Variants in TBCA observed in about 807,000 individuals in gnomAD.
TBCA encodes tubulin-specific chaperone A.
Under a neutral mutation model 15.8 loss-of-function variants are expected in TBCA, and 6 were observed. The ratio of observed to expected loss-of-function variants is 0.38; its 90% CI spans 0.21 to 0.75. The LOEUF (loss-of-function observed/expected upper bound fraction) is 0.75, where lower values mean the gene tolerates loss of function less well. TBCA is among the 30% of genes least tolerant of loss of function. TBCA has a pLI of 0.46. For synonymous variants in TBCA, 32 were observed against 42.3 expected (o/e 0.76, Z 0.94); for missense variants, 90 against 131.2 (o/e 0.69, Z 1.53).
chr5:77,703,756 C>T (rs933142203), intron 2 of TBCA, among the ~76,000 whole-genome samples: 2 of 151,928 alleles, frequency 1.3e-5, no homozygotes, highest in Admixed American at 6.6e-5. Flanking sequence ...TTTTTGTATC[C>T]TAATAAAATT....
At chr5:77,700,315 G>C (rs1369384628) in intron 2 of TBCA, among the ~76,000 whole-genome samples, 1 of 151,940 alleles carries the variant, frequency 6.6e-6, no homozygotes, top group Non-Finnish European at 1.5e-5. Context: ...CTGACAAAGG[G>C]CATGTGTCTA....
intron 1 of TBCA, among the ~76,000 whole-genome samples, chr5:77,739,079 G>C (rs1746974455): frequency 1.3e-5 from 2 of 152,172 alleles, no homozygotes; most frequent in Non-Finnish European, 2.9e-5. Flanking sequence ...TCATTAAACT[G>C]TTTCAGTTTT....
chr5:77,735,314 T>C (rs1746874890), intron 1 of TBCA, among the ~76,000 whole-genome samples: 1 of 152,206 alleles, frequency 6.6e-6, no homozygotes, highest in African/African-American at 2.4e-5. Context: ...AAATCTACTC[T>C]ACTTTCCCTC....
At chr5:77,736,355 A>AAAAAAAG (rs1746906180) in intron 1 of TBCA, among the ~76,000 whole-genome samples, 11 of 147,226 alleles carry the variant, frequency 7.5e-5, no homozygotes, top group African/African-American at 2.5e-4. Context: ...AAAAAAAAAA[A>AAAAAAAG]TCTAGCTGGA....
intron 1 of TBCA, among the ~76,000 whole-genome samples, chr5:77,770,096 T>C (rs905633170): frequency 1.3e-4 from 20 of 152,252 alleles, no homozygotes; most frequent in African/African-American, 4.8e-4. Context: ...GAGTGTTTTT[T>C]ACTTGCAGAA....
At chr5:77,721,725 T>G (rs754103271) in intron 1 of TBCA, among the ~76,000 whole-genome samples, 32 of 152,128 alleles carry the variant, frequency 2.1e-4, no homozygotes, top group Non-Finnish European at 4.0e-4. Flanking sequence ...GACACAATTT[T>G]AACAGCTAGG....
At chr5:77,770,126 C>A (rs1215911752) in intron 1 of TBCA, among the ~76,000 whole-genome samples, 1 of 152,080 alleles carries the variant, frequency 6.6e-6, no homozygotes, top group Non-Finnish European at 1.5e-5. Context: ...GAATTTATCA[C>A]AAGTCTAATA....
chr5:77,739,040 G>C (rs1314680572), intron 1 of TBCA, among the ~76,000 whole-genome samples: 1 of 152,190 alleles, frequency 6.6e-6, no homozygotes, highest in East Asian at 1.9e-4. Flanking sequence ...ATATCACAGT[G>C]CATCATAAGT....
intron 1 of TBCA, 46 bp from the exon 2 acceptor site, chr5:77,708,393 G>C: frequency 8.5e-7 from 1 of 1,171,512 alleles, no homozygotes; most frequent in Non-Finnish European, 1.3e-6. Flanking sequence ...TTTCTCTCCA[G>C]ACCATAAGAA....
chr5:77,733,454 T>G (rs1746821154), intron 1 of TBCA, among the ~76,000 whole-genome samples: 1 of 152,148 alleles, frequency 6.6e-6, no homozygotes, highest in East Asian at 1.9e-4. Context: ...CGAATGATAA[T>G]AAAGCAAAAC....
intron 2 of TBCA, among the ~76,000 whole-genome samples, chr5:77,700,910 C>T (rs1159923244): frequency 6.6e-6 from 1 of 152,016 alleles, no homozygotes; most frequent in African/African-American, 2.4e-5. Flanking sequence ...TCATCTTATA[C>T]AAAAATCAAC....
intron 1 of TBCA, among the ~76,000 whole-genome samples, chr5:77,749,818 T>C (rs990197993): frequency 3.3e-5 from 5 of 152,178 alleles, no homozygotes; most frequent in Admixed American, 6.5e-5. Flanking sequence ...TAAAGGTCCA[T>C]CAATAGAAGA....
At chr5:77,753,219 T>TTACC (rs771705050) in intron 1 of TBCA, among the ~76,000 whole-genome samples, 10 of 152,156 alleles carry the variant, frequency 6.6e-5, no homozygotes, top group Non-Finnish European at 1.5e-4. Flanking sequence ...TGAGATCAAA[T>TTACC]TTACCAAATT....
chr5:77,752,620 G>A (rs1194803293), intron 1 of TBCA, among the ~76,000 whole-genome samples: 1 of 118,098 alleles, frequency 8.5e-6, no homozygotes, highest in Non-Finnish European at 1.9e-5. Flanking sequence ...CTGCAGTGGC[G>A]CAATCTCGGC....
chr5:77,691,559 T>C, intron 3 of TBCA, 61 bp from the exon 4 acceptor site: 1 of 1,478,014 alleles, frequency 6.8e-7, no homozygotes, highest in African/African-American at 1.4e-5. Context: ...CTTTGTTATT[T>C]ACTCAAATAT....
At chr5:77,723,731 G>A (rs1746573004) in intron 1 of TBCA, among the ~76,000 whole-genome samples, 1 of 151,940 alleles carries the variant, frequency 6.6e-6, no homozygotes, top group African/African-American at 2.4e-5. Context: ...TATGTTATAT[G>A]CTGTGGTAAT....
intron 1 of TBCA, chr5:77,708,577 C>CT (rs557663101): frequency 2.8e-4 from 76 of 267,394 alleles, no homozygotes; most frequent in African/African-American, 3.6e-4. Flanking sequence ...GCATGAAATT[C>CT]TTTTTTTTCT....
chr5:77,708,197 G>A, intron 2 of TBCA, 45 bp downstream of exon 2: 2 of 1,314,804 alleles, frequency 1.5e-6, no homozygotes, highest in Non-Finnish European at 1.1e-6. Flanking sequence ...AGTTAATATG[G>A]CATTCTGTAA....
intron 1 of TBCA, among the ~76,000 whole-genome samples, chr5:77,739,254 A>G (rs1279305568): frequency 6.6e-6 from 1 of 152,032 alleles, no homozygotes; most frequent in Non-Finnish European, 1.5e-5. Flanking sequence ...TGAGGTCAGG[A>G]GTTTAAGACC....
Sources: gnomAD v4.1 joint callset for allele counts (sites outside exome capture counted in the v4.1 genomes callset) on GRCh38, gnomAD v4.1.1 for gene constraint, MANE v1.5 for transcripts, NCBI Gene and HGNC (gene_info 2026-07-23, HGNC 2026-07-21) for gene names.